The following RIMS2 variants were observed in gnomAD, a reference collection of about 807,000 sequenced individuals.
RIMS2 encodes the protein regulating synaptic membrane exocytosis 2, also known as regulating synaptic membrane exocytosis protein 2.
RIMS2 carries 59 observed loss-of-function variants against 174.4 expected under a neutral mutation model. The ratio of observed to expected loss-of-function variants is 0.34; its 90% CI spans 0.27 to 0.42. RIMS2 has a LOEUF of 0.42. Among genes scored for constraint, RIMS2 ranks in the 10% least tolerant of loss-of-function variants. The pLI is 1.00. For missense variants in RIMS2, 1,620 were observed against 1,666.3 expected (o/e 0.97, Z 0.48); for synonymous variants, 606 against 572.5 (o/e 1.06, Z -0.84).
intron 3 of RIMS2, among the ~76,000 whole-genome samples, chr8:103,836,287 G>A (rs1436321755): frequency 6.6e-6 from 1 of 152,114 alleles, no homozygotes; most frequent in Non-Finnish European, 1.5e-5. Context: ...GCTGGGCATG[G>A]TGTTTGTAAC....
rs1000273012 is a variant in RIMS2 at position 103,989,292 on chromosome 8, CTTG to C, written c.2928-7_2928-5del. 3 of 1,448,872 alleles carry C rather than the reference CTTG, an allele frequency of 2.1e-6. No individual in the cohort carries two copies. Among genetic ancestry groups the C allele is most frequent in the South Asian group, 1.1e-5 (1 of 87,258 alleles). 89.8% of individuals were successfully genotyped at this position (1,448,872 alleles called of 1,614,324 possible). A position where few individuals can be genotyped will look rare whatever the true frequency, so the allele number is the denominator to read the frequency against. On this transcript the variant is annotated splice_polypyrimidine_tract_variant and intron_variant, in intron 16 of 23. Transcript: ENST00000504942. ...TGGTTTACTAAGATATTGAATAGAT[CTTG>C]TTGTTTTAGTCGGAATGTGGAACAG...
At chr8:103,941,474 A>AGGCTG (rs76063215) in intron 13 of RIMS2, among the ~76,000 whole-genome samples, 29,920 of 152,060 alleles carry the variant, frequency 0.2, 3,590 homozygotes, top group South Asian at 0.36. Flanking sequence ...GTGACATAGC[A>AGGCTG]AGACCCTGTC....
intron 1 of RIMS2, among the ~76,000 whole-genome samples, chr8:103,608,942 C>T (rs2095262549): frequency 6.6e-6 from 1 of 152,214 alleles, no homozygotes; most frequent in Non-Finnish European, 1.5e-5. Flanking sequence ...ATGCAGAAAT[C>T]ACCCTTCTTC....
chr8:103,648,875 G>C (rs2096395342), intron 1 of RIMS2, among the ~76,000 whole-genome samples: 2 of 152,094 alleles, frequency 1.3e-5, no homozygotes, highest in South Asian at 4.2e-4. Context: ...CATACCAGTG[G>C]GTCTTGGCTT....
intron 2 of RIMS2, among the ~76,000 whole-genome samples, chr8:103,748,259 T>C (rs1326802747): frequency 1.3e-5 from 2 of 151,860 alleles, no homozygotes; most frequent in African/African-American, 2.4e-5. Flanking sequence ...CTGGGAAACA[T>C]GGTGAAACCC....
At chr8:103,799,360 G>C (rs1193566740) in intron 3 of RIMS2, among the ~76,000 whole-genome samples, 2 of 152,040 alleles carry the variant, frequency 1.3e-5, no homozygotes, top group South Asian at 2.1e-4. Flanking sequence ...TATTTTATTT[G>C]ACATCCCATT....
At chr8:104,005,673 G>A (rs1260852937) in intron 17 of RIMS2, among the ~76,000 whole-genome samples, 1 of 152,084 alleles carries the variant, frequency 6.6e-6, no homozygotes, top group Non-Finnish European at 1.5e-5. Context: ...TACTTGAATA[G>A]AACTGATTAA....
At chr8:103,931,352 A>G in exon 12 of RIMS2, 2 of 1,605,746 alleles carry the variant, frequency 1.2e-6, no homozygotes, top group Middle Eastern at 1.7e-4. Context: ...ATGGGAGGCC[A>G]AGGAATCCTT....
intron 1 of RIMS2, among the ~76,000 whole-genome samples, chr8:103,625,920 A>G (rs2095771912): frequency 6.6e-6 from 1 of 151,728 alleles, no homozygotes; most frequent in Non-Finnish European, 1.5e-5. Context: ...TTATATATAT[A>G]CACACACTAG....
intron 19 of RIMS2, among the ~76,000 whole-genome samples, chr8:104,029,329 C>G (rs1405228466): frequency 6.6e-6 from 1 of 152,154 alleles, no homozygotes; most frequent in Non-Finnish European, 1.5e-5. Context: ...CAGCAAATCT[C>G]AGCCTTATTT....
intron 19 of RIMS2, among the ~76,000 whole-genome samples, chr8:104,156,112 T>A (rs1007789659): frequency 1.1e-4 from 16 of 152,236 alleles, no homozygotes; most frequent in African/African-American, 3.9e-4. Context: ...CATTACCTGC[T>A]GTAATATATA....
chr8:103,805,367 C>G (rs962225399), intron 3 of RIMS2, among the ~76,000 whole-genome samples: 2 of 148,184 alleles, frequency 1.3e-5, no homozygotes, highest in Non-Finnish European at 3.0e-5. Flanking sequence ...TAGTAAGCTG[C>G]AGCTACTCTT....
intron 17 of RIMS2, among the ~76,000 whole-genome samples, chr8:104,001,596 G>T (rs1021003119): frequency 6.6e-6 from 1 of 150,578 alleles, no homozygotes; most frequent in Non-Finnish European, 1.5e-5. Flanking sequence ...TGAGTTTGCA[G>T]TGTAACTTTC....
rs892197847 is a variant in RIMS2 at position 103,787,506 on chromosome 8, T to G, written c.698+20969T>G. ...TCTCAGCATTTGCTTGTCTGTAAAG[T>G]ATTTTATTTCTCCTTCGCTTATGAA... On this transcript the variant is annotated intron_variant, in intron 3 of 23. Transcript: ENST00000504942. 2.2e-4 allele frequency among the ~76,000 whole-genome samples: 33 copies of G among 151,572 alleles called. No homozygotes were observed. In the East Asian group the frequency reaches 2.7e-3, roughly 13 times the overall value.
intron 19 of RIMS2, 78 bp downstream of exon 22, chr8:104,041,436 A>G: frequency 1.6e-6 from 1 of 625,294 alleles, no homozygotes; most frequent in African/African-American, 1.8e-5. Flanking sequence ...TTTTTTACTC[A>G]TTTCATAGTT....
chr8:103,566,458 C>T (rs902803468), intron 1 of RIMS2, among the ~76,000 whole-genome samples: 1 of 152,160 alleles, frequency 6.6e-6, no homozygotes. Context: ...AGCTGATACC[C>T]AAAGACTTCC....
intron 19 of RIMS2, among the ~76,000 whole-genome samples, chr8:104,186,565 C>G (rs1340487887): frequency 2.0e-5 from 3 of 151,686 alleles, no homozygotes; most frequent in African/African-American, 7.3e-5. Flanking sequence ...TAGTAGCTCC[C>G]TTTGTCTATA....
rs1420665685 is a variant in RIMS2, at chr8:103,956,441, A to G, written c.2702-4624A>G. Among the ~76,000 whole-genome samples, 4 of 152,192 alleles carry G rather than the reference A, an allele frequency of 2.6e-5. No individual in the cohort carries two copies. In the South Asian group the frequency reaches 6.2e-4, roughly 24 times the overall value. ...GGACAGAACAGAAGCCTCAGAAATA[A>G]TGCCACACATCTACAACCATCTGAT... is the stretch of plus-strand genomic sequence containing the variant. On this transcript the variant is annotated intron_variant, in intron 14 of 23. Coordinates refer to ENST00000504942, the Ensembl canonical transcript of RIMS2.
At position 104,149,520 on chromosome 8, in the gene RIMS2, T is replaced by C. The variant is rs2098671965; in HGVS notation, c.3335-95396T>C. Among the ~76,000 whole-genome samples, 3 of 152,012 alleles carry C rather than the reference T, an allele frequency of 2.0e-5. No homozygotes were observed. In the South Asian group the frequency reaches 6.2e-4, roughly 32 times the overall value. ...ACACTCCTACTCAGAAAAGCCACTG[T>C]TAGCAATTAAGAAATTTGTGAATCA... On this transcript the variant is annotated intron_variant, in intron 19 of 23. Coordinates refer to ENST00000504942, the Ensembl canonical transcript of RIMS2.
Sources: gnomAD v4.1 joint callset for allele counts (sites outside exome capture counted in the v4.1 genomes callset) on GRCh38, gnomAD v4.1.1 for gene constraint, MANE v1.5 for transcripts, NCBI Gene and HGNC (gene_info 2026-07-23, HGNC 2026-07-21) for gene names.